RABGAP1L: variants seen among roughly 807,000 people sequenced by gnomAD.
The protein encoded by RABGAP1L is rab GTPase-activating protein 1-like.
A neutral mutation model predicts 137.7 loss-of-function variants in RABGAP1L; 63 were observed. The observed-to-expected ratio is 0.46, with a 90% CI of 0.37 to 0.56. The LOEUF (loss-of-function observed/expected upper bound fraction) is 0.56. Ranked by LOEUF, RABGAP1L falls within the 20% of genes least tolerant of loss-of-function variation. RABGAP1L has a pLI of 0.00. For missense variants in RABGAP1L, 1,095 were observed against 1,244.0 expected (o/e 0.88, Z 1.80); for synonymous variants, 431 against 433.7 (o/e 0.99, Z 0.08).
At chr1:174,331,106 A>T (rs1386247107) in intron 11 of RABGAP1L, among the ~76,000 whole-genome samples, 1 of 152,236 alleles carries the variant, frequency 6.6e-6, no homozygotes, top group Non-Finnish European at 1.5e-5. Flanking sequence ...TTTTTTCAGT[A>T]AATGGAACTG....
chr1:174,543,639 G>A (rs1051906307), intron 13 of RABGAP1L, among the ~76,000 whole-genome samples: 1 of 152,156 alleles, frequency 6.6e-6, no homozygotes, highest in Non-Finnish European at 1.5e-5. Flanking sequence ...CTGTCATTAT[G>A]ATGTTAGCTG....
intron 17 of RABGAP1L, among the ~76,000 whole-genome samples, chr1:174,707,931 T>G (rs934361909): frequency 6.6e-6 from 1 of 152,192 alleles, no homozygotes; most frequent in African/African-American, 2.4e-5. Context: ...CCACATTCTT[T>G]CAGAAGACAT....
intron 19 of RABGAP1L, among the ~76,000 whole-genome samples, chr1:174,905,686 A>T (rs1354595613): frequency 6.6e-6 from 1 of 151,254 alleles, no homozygotes; most frequent in Non-Finnish European, 1.5e-5. Flanking sequence ...CCTCATCTCT[A>T]CTAAAAATAC....
intron 19 of RABGAP1L, among the ~76,000 whole-genome samples, chr1:174,879,473 T>TCCAC (rs1218226675): frequency 6.6e-6 from 1 of 152,072 alleles, no homozygotes; most frequent in Admixed American, 6.5e-5. Context: ...GACCTCATGA[T>TCCAC]CCACCCACCT....
intron 13 of RABGAP1L, among the ~76,000 whole-genome samples, chr1:174,543,115 T>G (rs1458687736): frequency 1.3e-5 from 2 of 152,186 alleles, no homozygotes; most frequent in African/African-American, 4.8e-5. Flanking sequence ...TAGATCTGGT[T>G]GGTGCAGAGC....
rs1456005957 is a variant in RABGAP1L at position 174,582,255 on chromosome 1, C to T, written c.1711-55120C>T. Among the ~76,000 whole-genome samples the T allele has an allele frequency of 3.9e-5, 6 of 152,028 alleles. No individual in the cohort carries two copies. The East Asian group carries it at 7.7e-4, about 20-fold the overall frequency. ...CTGAGTGTGGTGGCACGCTGCACTC[C>T]AGCCTGGGCAACAGAGTAAGACTTA... On this transcript the variant is annotated intron_variant, in intron 13 of 25. Transcript: ENST00000681986.
chr1:174,516,120 TACACAC>T (rs61414923), intron 13 of RABGAP1L, among the ~76,000 whole-genome samples: 3,070 of 133,278 alleles, frequency 0.023, 51 homozygotes, highest in African/African-American at 0.059. Flanking sequence ...ACTGAAGCTC[TACACAC>T]ACACACACAC....
rs138654546 is a variant in RABGAP1L at position 174,618,028 on chromosome 1, C to T, written c.1711-19347C>T. Among the ~76,000 whole-genome samples the T allele has an allele frequency of 2.6e-4, 39 of 152,340 alleles. 1 individual carries two copies. In the East Asian group the frequency reaches 4.0e-3, roughly 16 times the overall value. Reference sequence around the variant, plus strand: ...CCTGGCTTGGAGGGTCCTATGCCCACGGAGCCTCACTCATTGCTAGCACAG... The same window carrying T: ...CCTGGCTTGGAGGGTCCTATGCCCATGGAGCCTCACTCATTGCTAGCACAG... On this transcript the variant is annotated intron_variant, in intron 13 of 25. Coordinates refer to ENST00000681986, the MANE Select transcript of RABGAP1L (RefSeq NM_001366446.1).
intron 19 of RABGAP1L, among the ~76,000 whole-genome samples, chr1:174,871,887 C>T (rs564959042): frequency 5.3e-5 from 8 of 152,218 alleles, no homozygotes; most frequent in South Asian, 2.1e-4. Context: ...TAACAAATAT[C>T]GGTGAATGCT....
At chr1:174,756,874 T>C in intron 18 of RABGAP1L, 2 of 624,210 alleles carry the variant, frequency 3.2e-6, no homozygotes, top group Non-Finnish European at 5.9e-6. Flanking sequence ...CACACCACTC[T>C]CGAAGGCATC....
At chr1:174,800,728 G>A (rs1438498478) in intron 18 of RABGAP1L, among the ~76,000 whole-genome samples, 7 of 152,050 alleles carry the variant, frequency 4.6e-5, no homozygotes, top group Non-Finnish European at 5.9e-5. Flanking sequence ...AGAGCCCAGG[G>A]TCACATTAGT....
At chr1:174,548,010 A>C in intron 13 of RABGAP1L, 2 of 1,550,590 alleles carry the variant, frequency 1.3e-6, no homozygotes, top group Non-Finnish European at 1.7e-6. Flanking sequence ...AATTGTACAA[A>C]TATGTCCTAA....
At chr1:174,601,507 G>T (rs1331313276) in intron 13 of RABGAP1L, among the ~76,000 whole-genome samples, 1 of 151,562 alleles carries the variant, frequency 6.6e-6, no homozygotes, top group African/African-American at 2.4e-5. Context: ...GGGGTTGGGG[G>T]CAGGGGGAGG....
intron 19 of RABGAP1L, among the ~76,000 whole-genome samples, chr1:174,904,867 G>T (rs1261657740): frequency 6.6e-6 from 1 of 152,078 alleles, no homozygotes; most frequent in Non-Finnish European, 1.5e-5. Context: ...GCCAAGGCTG[G>T]TCTCAAACTC....
At position 174,219,128 on chromosome 1, in the gene RABGAP1L, G is replaced by T. The variant is rs763967466; in HGVS notation, c.-30G>T. 1 of 1,560,780 alleles carries T rather than the reference G, an allele frequency of 6.4e-7. No homozygotes were observed. Among genetic ancestry groups the T allele is most frequent in the Non-Finnish European group, 8.7e-7 (1 of 1,155,194 alleles). On this transcript the variant is annotated 5_prime_UTR_variant, in exon 2 of 26. Coordinates refer to ENST00000681986, the MANE Select transcript of RABGAP1L (RefSeq NM_001366446.1). Reference sequence around the variant, plus strand: ...TTAATCCCTTTTGTTTTTCCAGGTGGTTGTGGGAAGAGAAGTTTGCAGAAC... The same window carrying T: ...TTAATCCCTTTTGTTTTTCCAGGTGTTTGTGGGAAGAGAAGTTTGCAGAAC...
intron 14 of RABGAP1L, among the ~76,000 whole-genome samples, chr1:174,654,949 A>AT (rs11398019): frequency 0.58 from 87,681 of 151,448 alleles, 27,663 homozygotes; most frequent in African/African-American, 0.85. Context: ...TTTTAAACTC[A>AT]TTTTTTATGA....
chr1:174,627,956 A>G (rs559255409), intron 13 of RABGAP1L, among the ~76,000 whole-genome samples: 1 of 152,280 alleles, frequency 6.6e-6, no homozygotes, highest in South Asian at 2.1e-4. Context: ...CTTTCCATAC[A>G]TGACTTCAAC....
Position 174,731,001 on chromosome 1 carries a change from A to G in RABGAP1L, c.2170-21312A>G, listed in dbSNP as rs140246411. On this transcript the variant is annotated intron_variant, in intron 17 of 25. Transcript: ENST00000681986. ...TTTTATTTTTATTTTTTGAAAGAGC[A>G]TCTCGCTCTGTTGCCCAGGCTGGAG... Among the ~76,000 whole-genome samples, 459 of 152,176 alleles carry G rather than the reference A, an allele frequency of 3.0e-3. 2 individuals carry two copies. The highest frequency in any genetic ancestry group is 0.012 in the South Asian group (57 of 4,816).
intron 19 of RABGAP1L, among the ~76,000 whole-genome samples, chr1:174,956,442 T>C (rs949657725): frequency 2.0e-5 from 3 of 152,202 alleles, no homozygotes; most frequent in African/African-American, 7.2e-5. Context: ...TAAGAGTCCA[T>C]AGGAATCTAG....
Sources: allele counts gnomAD v4.1 joint callset (sites outside exome capture counted in the v4.1 genomes callset), GRCh38; gene constraint gnomAD v4.1.1; transcripts MANE v1.5; gene names NCBI Gene and HGNC (gene_info 2026-07-23, HGNC 2026-07-21).